IGSF3: variants seen among roughly 807,000 people sequenced by gnomAD.
IGSF3 encodes the protein immunoglobulin superfamily member 3.
Under a neutral mutation model 114.4 loss-of-function variants are expected in IGSF3, and 23 were observed. The observed-to-expected ratio is 0.20, with a 90% confidence interval of 0.14 to 0.28. IGSF3 has a LOEUF of 0.28. Ranked by LOEUF, IGSF3 falls within the 10% of genes least tolerant of loss-of-function variation. The pLI, the probability that IGSF3 is intolerant of heterozygous loss-of-function variation, is 1.00. For synonymous variants in IGSF3, 571 were observed against 645.2 expected (o/e 0.88, Z 1.74); for missense variants, 1,172 against 1,591.5 (o/e 0.74, Z 4.48).
chr1:116,581,601 C>A (rs953271906), intron 9 of IGSF3, among the ~76,000 whole-genome samples: 2 of 152,140 alleles, frequency 1.3e-5, no homozygotes, highest in Non-Finnish European at 2.9e-5. Context: ...GCTGGGCTTC[C>A]CATTGCTCTT....
intron 7 of IGSF3, among the ~76,000 whole-genome samples, 188 bp downstream of exon 7, chr1:116,599,753 G>C (rs543431226): frequency 1.3e-5 from 2 of 152,164 alleles, no homozygotes; most frequent in African/African-American, 4.8e-5. Context: ...ACAACAACTG[G>C]CTATCAAGGA....
Position 116,594,748 on chromosome 1 carries a change from G to A in IGSF3, c.2029+5193C>T, listed in dbSNP as rs608752. Among the ~76,000 whole-genome samples the A allele has an allele frequency of 0.36, 54,985 of 151,718 alleles. 10,471 individuals carry two copies. Among genetic ancestry groups the A allele is most frequent in the Non-Finnish European group, 0.41 (27,510 of 67,876 alleles). ...TTGATCCCTGCCAGCTTGCCTGGGG[G>A]TGAACCCTCCCCAGACCCCATGCTT... On this transcript the variant is annotated intron_variant, in intron 7 of 10. Coordinates refer to ENST00000369486, the MANE Select transcript of IGSF3 (RefSeq NM_001007237.3). The surrounding 1 kb of genome is among the most constrained non-coding windows in gnomAD (Gnocchi z 5.2).
In IGSF3 at chr1:116,577,284, G is replaced by A; in HGVS notation, c.*28C>T. ...AAAGGGAGAGCCTCAGCTCCTCCGTGGCCAACATCCGCTGGGGCATCACCC... is the reference window on the plus strand; with the variant it reads ...AAAGGGAGAGCCTCAGCTCCTCCGTAGCCAACATCCGCTGGGGCATCACCC... On this transcript the variant is annotated 3_prime_UTR_variant, in exon 11 of 11. Coordinates refer to ENST00000369486, the MANE Select transcript of IGSF3 (RefSeq NM_001007237.3). The surrounding 1 kb of genome is among the most constrained non-coding windows in gnomAD (Gnocchi z 5.7). 1 of 1,609,798 alleles carries A rather than the reference G, an allele frequency of 6.2e-7. No homozygotes were observed. The highest frequency in any genetic ancestry group is 1.3e-5 in the African/African-American group (1 of 74,922).
rs539742683 is a variant in IGSF3 at position 116,632,234 on chromosome 1, G to C, written c.44-15777C>G. Reference sequence around the variant, plus strand: ...CCAGAGCTGCAGATTTAAAATACTTGCATGGTAATCGAAACCAGAAAATGC... The same window carrying C: ...CCAGAGCTGCAGATTTAAAATACTTCCATGGTAATCGAAACCAGAAAATGC... On this transcript the variant is annotated intron_variant, in intron 2 of 10. Transcript: ENST00000369486. This position sits in a 1 kb window ranked among gnomAD's most constrained non-coding sequence, Gnocchi z 5.1. Among the ~76,000 whole-genome samples, 28 of 152,310 alleles carry C rather than the reference G, an allele frequency of 1.8e-4. No individual in the cohort carries two copies. The highest frequency in any genetic ancestry group is 3.8e-4 in the Non-Finnish European group (26 of 68,024).
rs1017753509 is a variant in IGSF3, at chr1:116,585,930, T to A, written c.2441-878A>T. 1.3e-5 allele frequency among the ~76,000 whole-genome samples: 2 copies of A among 152,176 alleles called. No homozygotes were observed. Among genetic ancestry groups the A allele is most frequent in the Non-Finnish European group, 2.9e-5 (2 of 68,032 alleles). ...AAAAAGAAAAAGAAAAGATTGCTACTGATGGAACTGGGTGCTTTGAAAACT... is the reference window on the plus strand; with the variant it reads ...AAAAAGAAAAAGAAAAGATTGCTACAGATGGAACTGGGTGCTTTGAAAACT... On this transcript the variant is annotated intron_variant, in intron 8 of 10. Coordinates refer to ENST00000369486, the MANE Select transcript of IGSF3 (RefSeq NM_001007237.3). The surrounding 1 kb of genome is among the most constrained non-coding windows in gnomAD (Gnocchi z 4.9).
chr1:116,633,484 G>C lies in IGSF3; in HGVS notation c.44-17027C>G, dbSNP rs906656034. Among the ~76,000 whole-genome samples the C allele has an allele frequency of 6.6e-6, 1 of 152,148 alleles. No homozygotes were observed. Among genetic ancestry groups the C allele is most frequent in the Admixed American group, 6.5e-5 (1 of 15,282 alleles). Reference sequence around the variant, plus strand: ...AAAATCCCCTTTCAGCTCCAAGACTGTGTAATTCTGTGATACCAGTATTGA... The same window carrying C: ...AAAATCCCCTTTCAGCTCCAAGACTCTGTAATTCTGTGATACCAGTATTGA... On this transcript the variant is annotated intron_variant, in intron 2 of 10. Coordinates refer to ENST00000369486, the MANE Select transcript of IGSF3 (RefSeq NM_001007237.3). The surrounding 1 kb of genome is among the most constrained non-coding windows in gnomAD (Gnocchi z 4.3).
In IGSF3 at chr1:116,654,522, A is replaced by G. The variant is rs1648764544; in HGVS notation, c.43+11762T>C. Among the ~76,000 whole-genome samples the G allele has an allele frequency of 6.6e-6, 1 of 152,194 alleles. No homozygotes were observed. Among genetic ancestry groups the G allele is most frequent in the African/African-American group, 2.4e-5 (1 of 41,460 alleles). On this transcript the variant is annotated intron_variant, in intron 2 of 10. Coordinates refer to ENST00000369486, the MANE Select transcript of IGSF3 (RefSeq NM_001007237.3). This position sits in a 1 kb window ranked among gnomAD's most constrained non-coding sequence, Gnocchi z 4.4. ...CAGCTTCTGGGAATTTGTAAGAGCC[A>G]TACTGATGAGGGTCCCTCACCCTCC...
At position 116,583,804 on chromosome 1, in the gene IGSF3, T is replaced by C. The variant is rs1432052616; in HGVS notation, c.2848+841A>G. Reference sequence around the variant, plus strand: ...GTGTTTAAATGTGCAACAACAATTATACCTAGTAATTACATGCATTTAGAT... The same window carrying C: ...GTGTTTAAATGTGCAACAACAATTACACCTAGTAATTACATGCATTTAGAT... On this transcript the variant is annotated intron_variant, in intron 9 of 10. Coordinates refer to ENST00000369486, the MANE Select transcript of IGSF3 (RefSeq NM_001007237.3). This position sits in a 1 kb window ranked among gnomAD's most constrained non-coding sequence, Gnocchi z 4.5. 1.3e-5 allele frequency among the ~76,000 whole-genome samples: 2 copies of C among 152,174 alleles called. No individual in the cohort carries two copies. Among genetic ancestry groups the C allele is most frequent in the Admixed American group, 1.3e-4 (2 of 15,276 alleles).
chr1:116,597,096 A>T (rs1346619514), intron 7 of IGSF3, among the ~76,000 whole-genome samples: 3 of 152,250 alleles, frequency 2.0e-5, no homozygotes, highest in Non-Finnish European at 4.4e-5. Flanking sequence ...ATTACTCTTT[A>T]ACAAGGCACA....
rs143485838 is a variant in IGSF3 at position 116,648,204 on chromosome 1, A to G, written c.43+18080T>C. On this transcript the variant is annotated intron_variant, in intron 2 of 10. Coordinates refer to ENST00000369486, the MANE Select transcript of IGSF3 (RefSeq NM_001007237.3). The surrounding 1 kb of genome is among the most constrained non-coding windows in gnomAD (Gnocchi z 4.7). ...TTGTAGAAGAGGAAGGAAAAATAAG[A>G]ATGTCAACTCTCCATTCAACAGAGA... Among the ~76,000 whole-genome samples the G allele has an allele frequency of 0.043, 6,492 of 152,272 alleles. 452 individuals carry two copies. Among genetic ancestry groups the G allele is most frequent in the African/African-American group, 0.15 (6,154 of 41,530 alleles).
In IGSF3 at chr1:116,648,840, G is replaced by C. The variant is rs1191630054; in HGVS notation, c.43+17444C>G. On this transcript the variant is annotated intron_variant, in intron 2 of 10. Transcript: ENST00000369486. This position sits in a 1 kb window ranked among gnomAD's most constrained non-coding sequence, Gnocchi z 4.7. ...TCTGCAAGGCACTTGGCATTCTGGTGCCTGTGGAGAGAGCAGCCTTCTCAC... is the reference window on the plus strand; with the variant it reads ...TCTGCAAGGCACTTGGCATTCTGGTCCCTGTGGAGAGAGCAGCCTTCTCAC... Among the ~76,000 whole-genome samples, 1 of 152,160 alleles carries C rather than the reference G, an allele frequency of 6.6e-6. No homozygotes were observed. Among genetic ancestry groups the C allele is most frequent in the Non-Finnish European group, 1.5e-5 (1 of 68,032 alleles).
chr1:116,653,285 A>G (rs1648708129), intron 2 of IGSF3, among the ~76,000 whole-genome samples: 2 of 152,234 alleles, frequency 1.3e-5, no homozygotes, highest in Non-Finnish European at 2.9e-5. Context: ...GAAGAAAACA[A>G]GAGTCAGATT....
chr1:116,631,352 T>C (rs1647578489), intron 2 of IGSF3, among the ~76,000 whole-genome samples: 1 of 148,800 alleles, frequency 6.7e-6, no homozygotes, highest in South Asian at 2.1e-4. Context: ...GAGCATGGGC[T>C]TTGAACTATG....
At chr1:116,643,363 ATGCCGC>A (rs1648195090) in intron 2 of IGSF3, among the ~76,000 whole-genome samples, 2 of 152,174 alleles carry the variant, frequency 1.3e-5, no homozygotes, top group Non-Finnish European at 2.9e-5. Flanking sequence ...TTCTCCATTC[ATGCCGC>A]AGGTCAATGA....
chr1:116,591,662 T>A (rs1660117012), intron 7 of IGSF3, among the ~76,000 whole-genome samples: 1 of 152,192 alleles, frequency 6.6e-6, no homozygotes, highest in Non-Finnish European at 1.5e-5. Flanking sequence ...CAGCTCCTAT[T>A]CTATGCTCTG....
chr1:116,616,097 G>A lies in IGSF3; in HGVS notation c.404C>T (p.Ala135Val). ...TDKQYFGSYS[A>V]KMNLVVIPDS... ...CTCCTTACCCACTAGGTTCATCTTTGCACTGTAACTCCCAAAGTATTGCTT... is the reference window on the plus strand; with the variant it reads ...CTCCTTACCCACTAGGTTCATCTTTACACTGTAACTCCCAAAGTATTGCTT... Residue 135 changes from alanine (A) to valine (V), a missense_variant, in exon 3 of 11, where the codon GCA (alanine) becomes GTA (valine). This residue lies in a region of IGSF3 where 736 missense variants were observed against 1,042.0 expected (regional missense o/e 0.71). Coordinates refer to ENST00000369486, the MANE Select transcript of IGSF3 (RefSeq NM_001007237.3). The surrounding 1 kb of genome is among the most constrained non-coding windows in gnomAD (Gnocchi z 6.6). 6.2e-7 allele frequency: 1 copy of A among 1,601,848 alleles called. No individual in the cohort carries two copies. The highest frequency in any genetic ancestry group is 8.5e-7 in the Non-Finnish European group (1 of 1,169,630).
In IGSF3 at chr1:116,650,468, G is replaced by A. The variant is rs981848278; in HGVS notation, c.43+15816C>T. On this transcript the variant is annotated intron_variant, in intron 2 of 10. Transcript: ENST00000369486. This position sits in a 1 kb window ranked among gnomAD's most constrained non-coding sequence, Gnocchi z 5.0. ...CTCAGTGGCCAAAACCATGTCACAC[G>A]CCCATGTCTAAATTACGGGCCTCCA... Among the ~76,000 whole-genome samples, 10 of 152,092 alleles carry A rather than the reference G, an allele frequency of 6.6e-5. No homozygotes were observed. Among genetic ancestry groups the A allele is most frequent in the Admixed American group, 1.3e-4 (2 of 15,268 alleles).
rs567145841 is a variant in IGSF3, at chr1:116,575,332, G to A, written c.*1980C>T. The stretch of plus-strand genomic sequence containing the variant: ...GCAACAGCAGGATTAAGGTGGTGGT[G>A]CCTGCACACACTGTCTCACAGGAGG... On this transcript the variant is annotated 3_prime_UTR_variant, in exon 11 of 11. Coordinates refer to ENST00000369486, the MANE Select transcript of IGSF3 (RefSeq NM_001007237.3). This position sits in a 1 kb window ranked among gnomAD's most constrained non-coding sequence, Gnocchi z 5.6. 2.6e-5 allele frequency: 4 copies of A among 152,822 alleles called. No homozygotes were observed. The highest frequency in any genetic ancestry group is 2.1e-4 in the South Asian group (1 of 4,826). The allele number at this position is 152,822 out of a possible 1,614,324, so 9.5% of individuals were successfully genotyped here. A position where few individuals can be genotyped will look rare whatever the true frequency, so the allele number is the denominator to read the frequency against.
intron 2 of IGSF3, among the ~76,000 whole-genome samples, chr1:116,637,622 T>C (rs1027773912): frequency 6.6e-6 from 1 of 152,206 alleles, no homozygotes; most frequent in African/African-American, 2.4e-5. Context: ...CCACATCACA[T>C]GGCAGACACC....
Sources: gnomAD v4.1 joint callset for allele counts (sites outside exome capture counted in the v4.1 genomes callset) on GRCh38, gnomAD v4.1.1 for gene constraint, gnomAD v4.1.1 regional missense constraint, Gnocchi (gnomAD v3.1) non-coding constraint, MANE v1.5 for transcripts, NCBI Gene and HGNC (gene_info 2026-07-23, HGNC 2026-07-21) for gene names.